POLR3A: variants seen among roughly 807,000 people sequenced by gnomAD.
POLR3A encodes RNA polymerase III subunit A.
Under a neutral mutation model 152.8 loss-of-function variants are expected in POLR3A, and 112 were observed. The observed-to-expected ratio is 0.73, with a 90% confidence interval of 0.63 to 0.86. The LOEUF (loss-of-function observed/expected upper bound fraction) is 0.86. POLR3A is among the 40% of genes least tolerant of loss of function. The pLI is 0.00. For missense variants in POLR3A, 1,385 were observed against 1,743.1 expected (o/e 0.79, Z 3.66); for synonymous variants, 615 against 652.1 (o/e 0.94, Z 0.87).
rs192109770 is a variant in POLR3A at position 78,010,089 on chromosome 10, A to C, written c.1643-98T>G. On this transcript the variant is annotated intron_variant, in intron 12 of 30. Coordinates refer to ENST00000372371, the MANE Select transcript of POLR3A (RefSeq NM_007055.4). ...AAAATAAATTTGAACCATGACCAAC[A>C]GCGTGAATTGAAACAAACAGCTGCT... is the stretch of plus-strand genomic sequence containing the variant. The C allele has an allele frequency of 1.9e-3, 2,783 of 1,475,148 alleles. 3 individuals carry two copies. Among genetic ancestry groups the C allele is most frequent in the Non-Finnish European group, 2.4e-3 (2,618 of 1,081,444 alleles). The allele number at this position is 1,475,148 out of a possible 1,614,324, so 91.4% of individuals were successfully genotyped here.
Position 78,025,717 on chromosome 10 carries a change from T to G in POLR3A, c.223A>C (p.Asn75His). ...TAGTGGCCTAGACAGTCAGCCAAGT[T>G]TTTCCCACAGGTTTCACATGGACGA... ...KDRPCETCGK[N>H]LADCLGHYGY... Residue 75 changes from asparagine (N) to histidine (H), a missense_variant, in exon 3 of 31, where the codon AAC (asparagine) becomes CAC (histidine). Transcript: ENST00000372371. 3.1e-6 allele frequency: 5 copies of G among 1,614,080 alleles called. No individual in the cohort carries two copies. In the South Asian group the frequency reaches 5.5e-5, roughly 18 times the overall value.
Position 77,982,663 on chromosome 10 carries a change from T to A in POLR3A, c.3584A>T (p.Asp1195Val). ...MYYVLQFLKEDLPKVVVQGIP... is the reference protein window; with the variant it reads ...MYYVLQFLKEVLPKVVVQGIP... ...CGACTTCTGTTTCACCTTGGGGAGA[T>A]CCTCTTTCAGGAACTGCAGCACGTA... The change falls in exon 27 of 31, where the codon GAT becomes GTT. Residue 1195 changes from aspartate (D) to valine (V), a missense_variant. Transcript: ENST00000372371. 6.2e-7 allele frequency: 1 copy of A among 1,613,096 alleles called. No individual in the cohort carries two copies. The highest frequency in any genetic ancestry group is 8.5e-7 in the Non-Finnish European group (1 of 1,179,980).
chr10:78,009,017 G>C (rs1021172757), intron 14 of POLR3A, among the ~76,000 whole-genome samples: 1 of 151,736 alleles, frequency 6.6e-6, no homozygotes, highest in African/African-American at 2.4e-5. Flanking sequence ...GCCAGGCATG[G>C]TGGTGGGCGC....
Position 77,977,573 on chromosome 10 carries a change from A to G in POLR3A, c.4078T>C (p.Phe1360Leu), listed in dbSNP as rs1330805012. ...CTGTCAGCCTTGTGAAGCAGCTTGA[A>G]GAGCCCGGTTCCAATGTTCATTGGG... ...GIPMNIGTGL[F>L]KLLHKADRDP... The change falls in exon 31 of 31, where the codon TTC becomes CTC. Residue 1360 changes from phenylalanine (F) to leucine (L), a missense_variant. Transcript: ENST00000372371. 6.2e-7 allele frequency: 1 copy of G among 1,614,042 alleles called. No individual in the cohort carries two copies. Among genetic ancestry groups the G allele is most frequent in the South Asian group, 1.1e-5 (1 of 91,078 alleles).
chr10:78,010,099 G>T (rs1847452245), intron 12 of POLR3A, 108 bp from the exon 13 acceptor site: 1 of 1,390,926 alleles, frequency 7.2e-7, no homozygotes. Context: ...AGCGTGAATT[G>T]AAACAAACAG....
chr10:78,009,997 C>A lies in POLR3A; in HGVS notation c.1643-6G>T, dbSNP rs1286044040. 6.2e-7 allele frequency: 1 copy of A among 1,613,666 alleles called. No individual in the cohort carries two copies. Among genetic ancestry groups the A allele is most frequent in the Non-Finnish European group, 8.5e-7 (1 of 1,179,768 alleles). ...GAGAGTGAGGAGATAGGCACCTAAGCATTAGGAACCAACACAAAACAAAGA... is the reference window on the plus strand; with the variant it reads ...GAGAGTGAGGAGATAGGCACCTAAGAATTAGGAACCAACACAAAACAAAGA... On this transcript the variant is annotated splice_region_variant and splice_polypyrimidine_tract_variant and intron_variant, in intron 12 of 30. Transcript: ENST00000372371.
chr10:78,019,543 AGACT>A, intron 8 of POLR3A: 1 of 489,868 alleles, frequency 2.0e-6, no homozygotes, highest in Non-Finnish European at 3.7e-6. Flanking sequence ...CGGGTAGGCT[AGACT>A]GATCTATAGG....
At chr10:78,014,035 T>C (rs752881971) in intron 10 of POLR3A, among the ~76,000 whole-genome samples, 1 of 152,022 alleles carries the variant, frequency 6.6e-6, no homozygotes, top group Non-Finnish European at 1.5e-5. Context: ...CACATGCCTA[T>C]AATCCCAGTA....
rs889124633 is a variant in POLR3A, at chr10:77,975,480, C to T, written c.*1998G>A. 2.6e-5 allele frequency: 4 copies of T among 152,258 alleles called. No homozygotes were observed. The highest frequency in any genetic ancestry group is 9.6e-5 in the African/African-American group (4 of 41,466). The allele number at this position is 152,258 out of a possible 1,614,324, so 9.4% of individuals were successfully genotyped here. A position where few individuals can be genotyped will look rare whatever the true frequency, so the allele number is the denominator to read the frequency against. On this transcript the variant is annotated 3_prime_UTR_variant, in exon 31 of 31. Transcript: ENST00000372371. The stretch of plus-strand genomic sequence containing the variant: ...TACCCATGGGTGATGTGATCCTTCA[C>T]ATAACCATTCTGCTCCAAGGTCTGC...
At chr10:77,984,400 C>G in intron 24 of POLR3A, 102 bp from the exon 25 acceptor site, 1 of 761,738 alleles carries the variant, frequency 1.3e-6, no homozygotes, top group Non-Finnish European at 2.4e-6. Flanking sequence ...CATAATGTTA[C>G]TAGCAACCCC....
chr10:78,017,343 G>C (rs536897078), intron 10 of POLR3A, among the ~76,000 whole-genome samples: 5 of 151,790 alleles, frequency 3.3e-5, no homozygotes, highest in Non-Finnish European at 7.4e-5. Context: ...GCTACTTTGG[G>C]GGCTGAGGTG....
At chr10:78,006,820 G>GA (rs1294696525) in intron 15 of POLR3A, among the ~76,000 whole-genome samples, 4 of 152,160 alleles carry the variant, frequency 2.6e-5, no homozygotes, top group African/African-American at 9.6e-5. Flanking sequence ...TTTCTAAAAT[G>GA]AAAAAAACAA....
At position 78,009,681 on chromosome 10, in the gene POLR3A, G is replaced by A. The variant is rs115020338; in HGVS notation, c.1771-6C>T. The A allele has an allele frequency of 7.7e-4, 1,248 of 1,613,900 alleles. 4 individuals are homozygous for A. In the African/African-American group the frequency reaches 0.014, roughly 18 times the overall value. On this transcript the variant is annotated splice_polypyrimidine_tract_variant and splice_region_variant and intron_variant, in intron 13 of 30. Transcript: ENST00000372371. ...CCCGTCCACAGGGTGACAGGCTGAG[G>A]GGGGGAGGAAGCCTGAGAGTCAGTG...
At chr10:78,022,838 T>C (rs550238674) in intron 5 of POLR3A, among the ~76,000 whole-genome samples, 1 of 152,244 alleles carries the variant, frequency 6.6e-6, no homozygotes, top group African/African-American at 2.4e-5. Context: ...AACACAGCAA[T>C]TGACATAAAA....
chr10:78,024,691 T>C lies in POLR3A; in HGVS notation c.503A>G (p.Lys168Arg), dbSNP rs1847614889. 1 of 1,613,312 alleles carries C rather than the reference T, an allele frequency of 6.2e-7. No homozygotes were observed. Among genetic ancestry groups the C allele is most frequent in the Admixed American group, 1.7e-5 (1 of 60,018 alleles). Residue 168 changes from lysine to arginine, a missense_variant, in exon 5 of 31, where the codon AAG (lysine) becomes AGG (arginine). Physicochemically the swap from Lys to Arg is conservative, Grantham distance 26. Coordinates refer to ENST00000372371, the MANE Select transcript of POLR3A (RefSeq NM_007055.4). ...ATGAATTATTTTCAGCAGTCCACAC[T>C]TCTTTACGGTACCTATAAGGGTTAG... is the stretch of plus-strand genomic sequence containing the variant. ...HCGAFNGTVK[K>R]CGLLKIIHEK...
At chr10:77,990,105 A>G (rs1300022745) in intron 21 of POLR3A, among the ~76,000 whole-genome samples, 3 of 152,218 alleles carry the variant, frequency 2.0e-5, no homozygotes, top group African/African-American at 4.8e-5. Flanking sequence ...ATTACTATTT[A>G]GTACACAAAG....
chr10:77,986,220 C>T, intron 21 of POLR3A, 61 bp from the exon 22 acceptor site: 1 of 879,866 alleles, frequency 1.1e-6, no homozygotes, highest in Non-Finnish European at 2.0e-6. Context: ...TGACATAATT[C>T]ATTTCATAAA....
chr10:78,007,612 T>A (rs1589312561), intron 15 of POLR3A, 90 bp downstream of exon 15: 2 of 1,073,848 alleles, frequency 1.9e-6, no homozygotes, highest in Non-Finnish European at 2.9e-6. Flanking sequence ...GTGGTGGGGA[T>A]GAAATGGCAG....
At chr10:78,028,544 T>C (rs887802511) in intron 1 of POLR3A, among the ~76,000 whole-genome samples, 8 of 150,962 alleles carry the variant, frequency 5.3e-5, no homozygotes, top group African/African-American at 2.0e-4. Context: ...ACCGTCTCAC[T>C]CTGTCACTCA....
Sources: allele counts gnomAD v4.1 joint callset (sites outside exome capture counted in the v4.1 genomes callset), GRCh38; gene constraint gnomAD v4.1.1; transcripts MANE v1.5; gene names NCBI Gene and HGNC (gene_info 2026-07-23, HGNC 2026-07-21).